Variants in RNF215 observed in about 807,000 individuals in gnomAD.
RNF215 encodes ring finger protein 215.
Under a neutral mutation model 44.8 loss-of-function variants are expected in RNF215, and 41 were observed. The ratio of observed to expected loss-of-function variants is 0.92; its 90% CI spans 0.71 to 1.19. RNF215 has a LOEUF of 1.19. Among genes scored for constraint, RNF215 ranks in the 50% most tolerant of loss-of-function variants. RNF215 has a pLI of 0.00. For synonymous variants in RNF215, 218 were observed against 230.1 expected, an observed-to-expected ratio of 0.95 and a Z score of 0.48; for missense variants, 452 against 496.2, an observed-to-expected ratio of 0.91 and a Z score of 0.85.
At chr22:30,386,581 C>T (rs1268213627) in intron 2 of RNF215, 35 bp downstream of exon 2, 3 of 1,590,690 alleles carry the variant, frequency 1.9e-6, no homozygotes, top group Admixed American at 1.7e-5. Context: ...GGAATCCTTT[C>T]CTCCAGCCCC....
chr22:30,384,545 G>C, intron 4 of RNF215, 50 bp from the exon 5 acceptor site: 2 of 1,561,158 alleles, frequency 1.3e-6, no homozygotes, highest in Non-Finnish European at 1.8e-6. Context: ...TGGGAAGGGA[G>C]GCCCAGACCC....
rs1234049092 is a variant in RNF215, at chr22:30,386,779, G to A, written c.286-20C>T. On this transcript the variant is annotated intron_variant, in intron 1 of 8. Coordinates refer to ENST00000382363, the MANE Select transcript of RNF215 (RefSeq NM_001017981.2). ...GTCCATCTGTGTGGCAAGGGGCCAT[G>A]AGCAGAGGGAGGTAGGGTGTGGTGG... is the stretch of plus-strand genomic sequence containing the variant. 6.3e-7 allele frequency: 1 copy of A among 1,596,718 alleles called. No individual in the cohort carries two copies. The highest frequency in any genetic ancestry group is 8.5e-7 in the Non-Finnish European group (1 of 1,177,318).
chr22:30,387,113 C>A lies in RNF215; in HGVS notation c.201G>T (p.Pro67=). ...ARAVRVDVRL[P]RQDALVLEGV... ...CCTCCAGGACCAGAGCGTCCTGGCGCGGCAGTCTCACGTCCACCCGCACGG... is the reference window on the plus strand; with the variant it reads ...CCTCCAGGACCAGAGCGTCCTGGCGAGGCAGTCTCACGTCCACCCGCACGG... The change falls in exon 1 of 9, where the codon CCG becomes CCT. Residue 67 remains proline, a synonymous_variant. Coordinates refer to ENST00000382363, the MANE Select transcript of RNF215 (RefSeq NM_001017981.2). The A allele has an allele frequency of 6.6e-7, 1 of 1,513,270 alleles. No homozygotes were observed. The highest frequency in any genetic ancestry group is 8.8e-7 in the Non-Finnish European group (1 of 1,135,674). The allele number at this position is 1,513,270 out of a possible 1,614,324, so 93.7% of individuals were successfully genotyped here.
In RNF215 at chr22:30,384,455, G is replaced by C. The variant is rs1197135329; in HGVS notation, c.628C>G (p.Leu210Val). The C allele has an allele frequency of 6.2e-7, 1 of 1,614,076 alleles. No individual in the cohort carries two copies. The highest frequency in any genetic ancestry group is 1.1e-5 in the South Asian group (1 of 91,076). Residue 210 changes from leucine to valine, a missense_variant, in exon 5 of 9, where the codon CTG (leucine) becomes GTG (valine). Coordinates refer to ENST00000382363, the MANE Select transcript of RNF215 (RefSeq NM_001017981.2). Reference sequence around the variant, plus strand: ...AACTTCCACTCGATATTGGCAGACAGGGACTCTCCGCTGGTGATCTCAGCC... The same window carrying C: ...AACTTCCACTCGATATTGGCAGACACGGACTCTCCGCTGGTGATCTCAGCC... ...ATAEITSGES[L>V]SANIEWKLTL... is the part of the protein sequence containing the mutation.
Position 30,387,354 on chromosome 22 carries a change from T to C in RNF215, c.-41A>G, listed in dbSNP as rs1933619164. ...GCTGGCCCAACAGTGGGGCCAGGGG[T>C]CCCGGGCGCGGGGGGGATCGGAGGG... On this transcript the variant is annotated 5_prime_UTR_variant, in exon 1 of 9. Transcript: ENST00000382363. 2 of 1,036,002 alleles carry C rather than the reference T, an allele frequency of 1.9e-6. No individual in the cohort carries two copies. Among genetic ancestry groups the C allele is most frequent in the Non-Finnish European group, 2.3e-6 (2 of 864,254 alleles). 64.2% of individuals were successfully genotyped at this position (1,036,002 alleles called of 1,614,324 possible). A position where few individuals can be genotyped will look rare whatever the true frequency, so the allele number is the denominator to read the frequency against.
chr22:30,385,768 CGAGT>C (rs1370156106), intron 4 of RNF215, 132 bp downstream of exon 4: 2 of 718,354 alleles, frequency 2.8e-6, no homozygotes, highest in African/African-American at 3.6e-5. Context: ...CTGGGCAACA[CGAGT>C]GATACTCCAT....
chr22:30,382,025 G>T (rs1933535962), intron 5 of RNF215, among the ~76,000 whole-genome samples: 1 of 152,212 alleles, frequency 6.6e-6, no homozygotes. Flanking sequence ...CCCAGGGCTG[G>T]AGCAGCCCAC....
At position 30,379,721 on chromosome 22, in the gene RNF215, G is replaced by C. The variant is rs1211641171; in HGVS notation, c.1101C>G (p.Phe367Leu). ...ACCCCTGGTGCTCACCCAGGACGTT[G>C]AATTTGCACAGTGGGCAGGTCTGCT... ...MLQQTCPLCKFNVLGNRYSDD is the reference protein window; with the variant it reads ...MLQQTCPLCKLNVLGNRYSDD The change falls in exon 8 of 9, where the codon TTC (phenylalanine) becomes TTG (leucine). Residue 367 changes from phenylalanine (F) to leucine (L), a missense_variant. Phe to Leu is a conservative substitution (Grantham distance 22). Coordinates refer to ENST00000382363, the MANE Select transcript of RNF215 (RefSeq NM_001017981.2). 40 of 1,559,848 alleles carry C rather than the reference G, an allele frequency of 2.6e-5. No homozygotes were observed. Among genetic ancestry groups the C allele is most frequent in the Non-Finnish European group, 3.4e-5 (39 of 1,152,002 alleles).
intron 1 of RNF215, 134 bp from the exon 2 acceptor site, chr22:30,386,893 G>GGCCTGGGGA (rs1280642127): frequency 6.8e-7 from 1 of 1,477,894 alleles, no homozygotes; most frequent in Non-Finnish European, 9.0e-7. Flanking sequence ...GAATGCTGGG[G>GGCCTGGGGA]GCCTGGGGAG....
chr22:30,386,758 A>G lies in RNF215; in HGVS notation c.287T>C (p.Met96Thr), dbSNP rs1933606027. The G allele has an allele frequency of 6.2e-7, 1 of 1,603,430 alleles. No individual in the cohort carries two copies. The highest frequency in any genetic ancestry group is 1.7e-5 in the Admixed American group (1 of 59,948). ...APLLGGRLLL[M>T]DIVDAEQEAP... ...CTCCTGCTCGGCATCCACGATGTCC[A>G]TCTGTGTGGCAAGGGGCCATGAGCA... The change falls in exon 2 of 9, where the codon ATG becomes ACG. Residue 96 changes from methionine (M) to threonine (T), a missense_variant and splice_region_variant. Met to Thr is a moderately conservative substitution (Grantham distance 81). Transcript: ENST00000382363.
At chr22:30,386,545 G>C (rs1933602287) in intron 2 of RNF215, 71 bp downstream of exon 2, 1 of 1,537,732 alleles carries the variant, frequency 6.5e-7, no homozygotes, top group African/African-American at 1.4e-5. Context: ...CCCATCTAAG[G>C]AGGGCCTGGC....
intron 5 of RNF215, among the ~76,000 whole-genome samples, chr22:30,382,125 G>A (rs1369373243): frequency 1.3e-5 from 2 of 152,206 alleles, no homozygotes; most frequent in Non-Finnish European, 1.5e-5. Flanking sequence ...TTGGGGGCCA[G>A]CCGCGGTGGT....
intron 5 of RNF215, among the ~76,000 whole-genome samples, chr22:30,383,687 A>G (rs1933558328): frequency 6.6e-6 from 1 of 152,202 alleles, no homozygotes; most frequent in African/African-American, 2.4e-5. Context: ...CAGAGACGAT[A>G]AAACACAGTC....
chr22:30,387,256 G>C lies in RNF215; in HGVS notation c.58C>G (p.Pro20Ala). 1 of 1,032,994 alleles carries C rather than the reference G, an allele frequency of 9.7e-7. No homozygotes were observed. The highest frequency in any genetic ancestry group is 1.2e-6 in the Non-Finnish European group (1 of 856,624). The allele number at this position is 1,032,994 out of a possible 1,614,324, so 64.0% of individuals were successfully genotyped here. The change falls in exon 1 of 9, where the codon CCG (proline) becomes GCG (alanine). Residue 20 changes from proline to alanine, a missense_variant. Physicochemically the swap from Pro to Ala is conservative, Grantham distance 27 (BLOSUM62 -1). Coordinates refer to ENST00000382363, the MANE Select transcript of RNF215 (RefSeq NM_001017981.2). ...RSPPPPPPPP[P>A]SPLLLLLPLL... The stretch of plus-strand genomic sequence containing the variant: ...GGCAGCAGCAGCAGCAGCGGAGACG[G>C]AGGCGGCGGCGGAGGCGGCGGCGGC...
Position 30,387,133 on chromosome 22 carries a change from G to T in RNF215, c.181C>A (p.Arg61=). 6.8e-7 allele frequency: 1 copy of T among 1,475,826 alleles called. No homozygotes were observed. Among genetic ancestry groups the T allele is most frequent in the South Asian group, 1.3e-5 (1 of 79,952 alleles). 91.4% of individuals were successfully genotyped at this position (1,475,826 alleles called of 1,614,324 possible). The change falls in exon 1 of 9, where the codon CGG becomes AGG. Residue 61 remains arginine (R), a synonymous_variant. Transcript: ENST00000382363. ...TGGCGCGGCAGTCTCACGTCCACCC[G>T]CACGGCGCGGGCTCCGCCCCGCCCC... ...GAGRGGARAV[R]VDVRLPRQDA...
At position 30,379,405 on chromosome 22, in the gene RNF215, A is replaced by G; in HGVS notation, c.*195T>C. Reference sequence around the variant, plus strand: ...TCCTTGACTGACAGGTCCCAGCCCTAGATCCTCAGTCTGAAGCTGTGGGGC... The same window carrying G: ...TCCTTGACTGACAGGTCCCAGCCCTGGATCCTCAGTCTGAAGCTGTGGGGC... On this transcript the variant is annotated 3_prime_UTR_variant, in exon 9 of 9. Transcript: ENST00000382363. 1 of 649,714 alleles carries G rather than the reference A, an allele frequency of 1.5e-6. No individual in the cohort carries two copies. Among genetic ancestry groups the G allele is most frequent in the Non-Finnish European group, 2.6e-6 (1 of 380,896 alleles). 40.2% of individuals were successfully genotyped at this position (649,714 alleles called of 1,614,324 possible).
chr22:30,381,627 T>C, intron 5 of RNF215, among the ~76,000 whole-genome samples: 1 of 152,200 alleles, frequency 6.6e-6, no homozygotes, highest in Non-Finnish European at 1.5e-5. Flanking sequence ...TCTGCCATCG[T>C]GTTCTTCCCC....
chr22:30,387,034 G>T lies in RNF215; in HGVS notation c.280C>A (p.Leu94Met). 1 of 1,544,180 alleles carries T rather than the reference G, an allele frequency of 6.5e-7. No individual in the cohort carries two copies. ...DPAPLLGGRLLLMDIVDAEQE... is the reference protein window; with the variant it reads ...DPAPLLGGRLMLMDIVDAEQE... ...GATGGCTCAGCAGCGCTCACCAGCA[G>T]CAGACGACCGCCCAGCAGGGGCGCC... Residue 94 changes from leucine (L) to methionine (M), a missense_variant, in exon 1 of 9, where the codon CTG (leucine) becomes ATG (methionine). Physicochemically the swap from Leu to Met is conservative, Grantham distance 15. Transcript: ENST00000382363.
At chr22:30,384,544 A>C (rs749802748) in intron 4 of RNF215, 49 bp from the exon 5 acceptor site, 2 of 1,570,886 alleles carry the variant, frequency 1.3e-6, no homozygotes, top group Non-Finnish European at 1.7e-6. Flanking sequence ...TTGGGAAGGG[A>C]GGCCCAGACC....
Sources: allele counts gnomAD v4.1 joint callset (sites outside exome capture counted in the v4.1 genomes callset), GRCh38; gene constraint gnomAD v4.1.1; transcripts MANE v1.5; gene names NCBI Gene and HGNC (gene_info 2026-07-23, HGNC 2026-07-21).